Variants in ODR4 observed in about 807,000 individuals in gnomAD.
ODR4 encodes protein odr-4 homolog.
A neutral mutation model predicts 60.2 loss-of-function variants in ODR4; 47 were observed. The ratio of observed to expected loss-of-function variants is 0.78; its 90% confidence interval spans 0.62 to 1.00. ODR4 has a LOEUF of 1.00. Among genes scored for constraint, ODR4 ranks in the 50% least tolerant of loss-of-function variants. ODR4 has a pLI of 0.00. For missense variants in ODR4, 488 were observed against 530.8 expected (o/e 0.92, Z 0.79); for synonymous variants, 178 against 175.5 (o/e 1.01, Z -0.11).
chr1:186,405,620 T>G (rs1226871557), intron 11 of ODR4, among the ~76,000 whole-genome samples: 1 of 152,162 alleles, frequency 6.6e-6, no homozygotes, highest in African/African-American at 2.4e-5. Flanking sequence ...TGGTGCGATC[T>G]TGGCTCACCG....
chr1:186,423,438 T>C (rs1208944602), downstream of ODR4, among the ~76,000 whole-genome samples: 3 of 145,440 alleles, frequency 2.1e-5, no homozygotes, highest in Non-Finnish European at 4.5e-5. Context: ...TCACCACTAC[T>C]TGTGCTTTTT....
chr1:186,394,364 G>A (rs1478048976), intron 9 of ODR4, among the ~76,000 whole-genome samples: 2 of 152,098 alleles, frequency 1.3e-5, no homozygotes, highest in Admixed American at 6.5e-5. Flanking sequence ...ACACAGAGGT[G>A]CAAAGAGTTG....
intron 7 of ODR4, 144 bp from the exon 8 acceptor site, chr1:186,391,552 T>A (rs1048845947): frequency 1.3e-4 from 81 of 620,808 alleles, no homozygotes; most frequent in Non-Finnish European, 2.1e-4. Context: ...TTTTTTTAAT[T>A]TGTGAAACTA....
At chr1:186,422,066 T>C (rs992537499), downstream of ODR4, among the ~76,000 whole-genome samples, 9 of 152,038 alleles carry the variant, frequency 5.9e-5, no homozygotes, top group East Asian at 1.9e-4. Flanking sequence ...ATAGCATTGG[T>C]CAGATTTTTT....
intron 12 of ODR4, chr1:186,411,725 A>C (rs754655782): frequency 4.3e-6 from 1 of 231,096 alleles, no homozygotes; most frequent in Admixed American, 6.5e-5. Context: ...ACTTTCATAA[A>C]CTTTTAATAT....
intron 12 of ODR4, among the ~76,000 whole-genome samples, chr1:186,410,658 C>G (rs1558094114): frequency 6.6e-6 from 1 of 152,114 alleles, no homozygotes; most frequent in African/African-American, 2.4e-5. Context: ...AGAAAAAAGT[C>G]TCTATTATAG....
chr1:186,423,990 G>C (rs533024374), downstream of ODR4, among the ~76,000 whole-genome samples: 2 of 152,122 alleles, frequency 1.3e-5, no homozygotes, highest in Non-Finnish European at 2.9e-5. Flanking sequence ...TGAACTGATA[G>C]ACTCTGAGCT....
intron 5 of ODR4, among the ~76,000 whole-genome samples, chr1:186,388,882 AT>A (rs1324766112): frequency 6.6e-6 from 1 of 152,190 alleles, no homozygotes; most frequent in African/African-American, 2.4e-5. Context: ...TAATGTTTTT[AT>A]TATGTTAAAG....
In ODR4 at chr1:186,386,100, G is replaced by A. The variant is rs758586395; in HGVS notation, c.330+17G>A. The stretch of plus-strand genomic sequence containing the variant: ...CTGCGTAGAGTAAGTTTGATATATC[G>A]AAAATTCTTAATGAAATCAGTTATA... On this transcript the variant is annotated intron_variant, in intron 4 of 13. Coordinates refer to ENST00000287859, the MANE Select transcript of ODR4 (RefSeq NM_017847.6). 1.1e-5 allele frequency: 16 copies of A among 1,427,082 alleles called. No homozygotes were observed. The East Asian group carries it at 1.2e-4, about 11-fold the overall frequency. The allele number at this position is 1,427,082 out of a possible 1,614,324, so 88.4% of individuals were successfully genotyped here.
At chr1:186,416,578 A>G (rs1291791070) in intron 12 of ODR4, among the ~76,000 whole-genome samples, 1 of 152,198 alleles carries the variant, frequency 6.6e-6, no homozygotes, top group African/African-American at 2.4e-5. Context: ...AGGCTGAGGC[A>G]GGAGAATTGC....
At chr1:186,412,565 A>G (rs1390479775) in intron 12 of ODR4, among the ~76,000 whole-genome samples, 1 of 152,210 alleles carries the variant, frequency 6.6e-6, no homozygotes, top group Non-Finnish European at 1.5e-5. Flanking sequence ...AAATAATAGA[A>G]TAAAAACATA....
intron 12 of ODR4, 127 bp downstream of exon 12, chr1:186,406,395 A>G (rs1661176798): frequency 3.5e-6 from 2 of 570,182 alleles, no homozygotes; most frequent in Non-Finnish European, 5.8e-6. Context: ...ACTTCGAAAT[A>G]TTAACTGAGA....
chr1:186,377,147 A>C (rs1457521726), intron 1 of ODR4, among the ~76,000 whole-genome samples: 1 of 152,190 alleles, frequency 6.6e-6, no homozygotes, highest in African/African-American at 2.4e-5. Flanking sequence ...ATAATACCTA[A>C]TACAATGTAA....
intron 12 of ODR4, among the ~76,000 whole-genome samples, chr1:186,412,334 C>CTCTGTAAGGGATTCA (rs1661408821): frequency 6.6e-6 from 1 of 152,108 alleles, no homozygotes; most frequent in Non-Finnish European, 1.5e-5. Context: ...GAGGCACTGT[C>CTCTGTAAGGGATTCA]TCTGTAAGGG....
chr1:186,416,871 A>G (rs1441488638), intron 12 of ODR4, among the ~76,000 whole-genome samples: 1 of 151,444 alleles, frequency 6.6e-6, no homozygotes, highest in East Asian at 1.9e-4. Context: ...AAAAAAAAAA[A>G]AAAAAGTAAA....
chr1:186,393,016 A>C (rs1660528133), intron 8 of ODR4, among the ~76,000 whole-genome samples: 1 of 151,970 alleles, frequency 6.6e-6, no homozygotes, highest in Non-Finnish European at 1.5e-5. Flanking sequence ...AAAATAAAAG[A>C]AAAGGAAAAG....
intron 9 of ODR4, among the ~76,000 whole-genome samples, chr1:186,397,120 G>C (rs1042548271): frequency 1.3e-5 from 2 of 152,140 alleles, no homozygotes; most frequent in African/African-American, 4.8e-5. Context: ...CCATCTTAAA[G>C]TTTAAATTGT....
chr1:186,429,394 G>T, the ODR4 span, among the ~76,000 whole-genome samples: 3 of 152,142 alleles, frequency 2.0e-5, no homozygotes, highest in Admixed American at 6.5e-5. Context: ...GCTTGATGCA[G>T]GGTTGTAAAA....
chr1:186,404,561 T>C (rs1460476446), intron 11 of ODR4, among the ~76,000 whole-genome samples: 3 of 152,212 alleles, frequency 2.0e-5, no homozygotes, highest in Non-Finnish European at 4.4e-5. Context: ...TAAAATAATA[T>C]AGTCCTAATT....
Sources: gnomAD v4.1 joint callset for allele counts (sites outside exome capture counted in the v4.1 genomes callset) on GRCh38, gnomAD v4.1.1 for gene constraint, MANE v1.5 for transcripts, NCBI Gene and HGNC (gene_info 2026-07-23, HGNC 2026-07-21) for gene names.